The following TNC variants were observed in gnomAD, a reference collection of about 807,000 sequenced individuals.
TNC encodes the protein tenascin.
Under a neutral mutation model 202.4 loss-of-function variants are expected in TNC, and 109 were observed. That is an observed-to-expected ratio of 0.54 (90% CI 0.46 to 0.63). The LOEUF (loss-of-function observed/expected upper bound fraction) is 0.63. Ranked by LOEUF, TNC falls within the 30% of genes least tolerant of loss-of-function variation. The pLI is 0.00. For synonymous variants in TNC, 1,007 were observed against 1,089.7 expected, an observed-to-expected ratio of 0.92 and a Z score of 1.50; for missense variants, 2,756 against 2,833.3, an observed-to-expected ratio of 0.97 and a Z score of 0.62.
chr9:115,033,655 T>C (rs1309882909), intron 22 of TNC, among the ~76,000 whole-genome samples: 1 of 152,238 alleles, frequency 6.6e-6, no homozygotes, highest in Non-Finnish European at 1.5e-5. Context: ...ATGATAGTTA[T>C]TAGCAATGTG....
At position 115,087,159 on chromosome 9, in the gene TNC, G is replaced by A. The variant is rs763943618; in HGVS notation, c.572C>T (p.Pro191Leu). 1 of 1,614,238 alleles carries A rather than the reference G, an allele frequency of 6.2e-7. No homozygotes were observed. The highest frequency in any genetic ancestry group is 8.5e-7 in the Non-Finnish European group (1 of 1,180,056). ...CCGGCCTCGAAGGTGACAGTTGCCT[G>A]GACATTCGGGCTCAGAGCAGTTGGG... ...KGPNCSEPEC[P>L]GNCHLRGRCI... The change falls in exon 3 of 28, where the codon CCA becomes CTA. Residue 191 changes from proline to leucine, a missense_variant. Pro to Leu is a moderately conservative substitution (Grantham distance 98, BLOSUM62 -3). Coordinates refer to ENST00000350763, the MANE Select transcript of TNC (RefSeq NM_002160.4).
At chr9:115,040,407 T>C (rs1830641973) in intron 19 of TNC, among the ~76,000 whole-genome samples, 1 of 152,202 alleles carries the variant, frequency 6.6e-6, no homozygotes, top group Non-Finnish European at 1.5e-5. Context: ...CACATGCTCA[T>C]GTGAAACACC....
chr9:115,036,348 G>C (rs1830334947), intron 20 of TNC, 107 bp from the exon 21 acceptor site: 1 of 1,283,314 alleles, frequency 7.8e-7, no homozygotes, highest in East Asian at 2.3e-5. Flanking sequence ...AACTTTCAGT[G>C]ACCCTGCGGA....
At chr9:115,048,680 A>G (rs984839130) in intron 15 of TNC, 148 bp from the exon 16 acceptor site, 1 of 792,376 alleles carries the variant, frequency 1.3e-6, no homozygotes, top group Non-Finnish European at 2.0e-6. Flanking sequence ...GTAAGAACTT[A>G]TTGGGTGCCA....
intron 13 of TNC, among the ~76,000 whole-genome samples, chr9:115,062,541 C>T (rs544607872): frequency 6.0e-5 from 9 of 149,460 alleles, no homozygotes; most frequent in East Asian, 2.0e-4. Flanking sequence ...TCTAGGAGTT[C>T]GAGGCTGCAG....
At position 115,063,805 on chromosome 9, in the gene TNC, C is replaced by T; in HGVS notation, c.3751G>A (p.Val1251Ile). The change falls in exon 12 of 28, where the codon GTC becomes ATC. Residue 1251 changes from valine to isoleucine, a missense_variant. Physicochemically the swap from Val to Ile is conservative, Grantham distance 29. This residue lies in a region of TNC where 2,559 missense variants were observed against 2,546.0 expected (regional missense o/e 1.01). Transcript: ENST00000350763. ...AATTCGTCTAGAATACCTGTCAAGACTTCAACAGAGAGAGGGGTTGTGCTG... is the reference window on the plus strand; with the variant it reads ...AATTCGTCTAGAATACCTGTCAAGATTTCAACAGAGAGAGGGGTTGTGCTG... Reference protein sequence around the residue: ...DFSTTPLSVEVLTEEVPDMGN... With the variant: ...DFSTTPLSVEILTEEVPDMGN... The T allele has an allele frequency of 1.2e-6, 2 of 1,612,130 alleles. No individual in the cohort carries two copies. The highest frequency in any genetic ancestry group is 1.7e-6 in the Non-Finnish European group (2 of 1,178,424).
At chr9:115,111,399 CTTTTTTTTTTTT>C (rs71375272) in intron 1 of TNC, among the ~76,000 whole-genome samples, 8 of 71,362 alleles carry the variant, frequency 1.1e-4, no homozygotes, top group East Asian at 1.3e-3. Context: ...CTCTCTCTCT[CTTTTTTTTTTTT>C]TTTTTTTTTT....
chr9:115,101,980 A>T (rs933585028), intron 1 of TNC, among the ~76,000 whole-genome samples: 1 of 152,194 alleles, frequency 6.6e-6, no homozygotes, highest in Admixed American at 6.5e-5. Context: ...CATTAACTAT[A>T]ATTTATTAAG....
intron 14 of TNC, among the ~76,000 whole-genome samples, chr9:115,059,527 A>T (rs972452023): frequency 6.6e-6 from 1 of 152,302 alleles, no homozygotes; most frequent in East Asian, 1.9e-4. Context: ...AGAAAGGGCA[A>T]CACCTGCATC....
Position 115,024,148 on chromosome 9 carries a change from A to G in TNC, c.6332-12T>C. 2 of 1,610,144 alleles carry G rather than the reference A, an allele frequency of 1.2e-6. No homozygotes were observed. Among genetic ancestry groups the G allele is most frequent in the Non-Finnish European group, 1.7e-6 (2 of 1,176,680 alleles). On this transcript the variant is annotated splice_polypyrimidine_tract_variant and intron_variant, in intron 26 of 27. Transcript: ENST00000350763. ...GGCCATGGAGTCACCTGGGAGAGACAGAAAATATGGACCTGAGAAATCTCA... is the reference window on the plus strand; with the variant it reads ...GGCCATGGAGTCACCTGGGAGAGACGGAAAATATGGACCTGAGAAATCTCA...
intron 1 of TNC, among the ~76,000 whole-genome samples, chr9:115,114,569 A>G (rs901704992): frequency 6.6e-6 from 1 of 152,222 alleles, no homozygotes; most frequent in Non-Finnish European, 1.5e-5. Context: ...GCTGAGAACC[A>G]TGAAAAATGA....
chr9:115,092,905 G>T (rs1835342073), intron 1 of TNC, among the ~76,000 whole-genome samples: 1 of 152,158 alleles, frequency 6.6e-6, no homozygotes, highest in South Asian at 2.1e-4. Context: ...TTTTTAGCAT[G>T]TCATTTACAA....
intron 4 of TNC, 56 bp downstream of exon 4, chr9:115,084,153 T>TA: frequency 6.3e-7 from 1 of 1,583,420 alleles, no homozygotes; most frequent in Non-Finnish European, 8.6e-7. Flanking sequence ...GGGAGGGTTA[T>TA]ACACTGGGTG....
At position 115,021,025 on chromosome 9, in the gene TNC, T is replaced by C; in HGVS notation, c.*132A>G. 1.5e-6 allele frequency: 1 copy of C among 674,990 alleles called. No homozygotes were observed. The highest frequency in any genetic ancestry group is 2.5e-6 in the Non-Finnish European group (1 of 399,300). 41.8% of individuals were successfully genotyped at this position (674,990 alleles called of 1,614,324 possible). A position where few individuals can be genotyped will look rare whatever the true frequency, so the allele number is the denominator to read the frequency against. ...ATGCTGTTGCCGTTGGCCCCAGGGA[T>C]CCATGGTCAGCTTTGACTCTCACCA... is the stretch of plus-strand genomic sequence containing the variant. On this transcript the variant is annotated 3_prime_UTR_variant, in exon 28 of 28. Transcript: ENST00000350763.
At chr9:115,114,756 T>C (rs528860746) in intron 1 of TNC, among the ~76,000 whole-genome samples, 2 of 152,314 alleles carry the variant, frequency 1.3e-5, no homozygotes, top group South Asian at 2.1e-4. Context: ...GTTAGAAAGC[T>C]TGGGTCAAAG....
At chr9:115,083,600 C>T (rs1045021035) in intron 4 of TNC, among the ~76,000 whole-genome samples, 2 of 121,352 alleles carry the variant, frequency 1.6e-5, no homozygotes, top group African/African-American at 7.4e-5. Context: ...ATAATGAGGA[C>T]TCTTTTTTTT....
intron 15 of TNC, 102 bp downstream of exon 15, chr9:115,057,051 G>A: frequency 7.2e-7 from 1 of 1,388,540 alleles, no homozygotes; most frequent in Non-Finnish European, 9.7e-7. Flanking sequence ...AAGAGTTAGT[G>A]CCCTGTGGCT....
intron 1 of TNC, among the ~76,000 whole-genome samples, chr9:115,099,156 G>A (rs911665767): frequency 6.6e-6 from 1 of 152,066 alleles, no homozygotes; most frequent in South Asian, 2.1e-4. Context: ...GGGAGCCAGT[G>A]ATTATCCAAG....
At chr9:115,087,701 T>TC (rs1834895417) in intron 2 of TNC, among the ~76,000 whole-genome samples, 1 of 31,818 alleles carries the variant, frequency 3.1e-5, no homozygotes, top group Non-Finnish European at 7.1e-5. Context: ...TTCTTTTCTT[T>TC]TTTTTTTTTT....
Sources: gnomAD v4.1 joint callset for allele counts (sites outside exome capture counted in the v4.1 genomes callset) on GRCh38, gnomAD v4.1.1 for gene constraint, gnomAD v4.1.1 regional missense constraint, MANE v1.5 for transcripts, NCBI Gene and HGNC (gene_info 2026-07-23, HGNC 2026-07-21) for gene names.